SS18: variants seen among roughly 807,000 people sequenced by gnomAD.
SS18 encodes the protein protein SSXT.
SS18 carries 28 observed loss-of-function variants against 72.5 expected under a neutral mutation model. That is an observed-to-expected ratio of 0.39 (90% confidence interval 0.29 to 0.53). The LOEUF (loss-of-function observed/expected upper bound fraction) is 0.53. Among genes scored for constraint, SS18 ranks in the 20% least tolerant of loss-of-function variants. The pLI, the probability that SS18 is intolerant of heterozygous loss-of-function variation, is 0.76. For synonymous variants in SS18, 172 were observed against 164.2 expected, an observed-to-expected ratio of 1.05 and a Z score of -0.37; for missense variants, 518 against 535.3, an observed-to-expected ratio of 0.97 and a Z score of 0.32.
intron 3 of SS18, 25 bp from the exon 4 acceptor site, chr18:26,057,767 CAA>C: frequency 6.3e-7 from 1 of 1,574,806 alleles, no homozygotes; most frequent in East Asian, 2.3e-5. Flanking sequence ...TTTAGTAAAA[CAA>C]GAGAAACAGA....
At chr18:26,069,848 CT>C (rs2054283089) in intron 3 of SS18, among the ~76,000 whole-genome samples, 1 of 152,150 alleles carries the variant, frequency 6.6e-6, no homozygotes, top group Non-Finnish European at 1.5e-5. Context: ...GTGCCTACCA[CT>C]TTGTATATGC....
chr18:26,025,959 A>G (rs900224119), intron 10 of SS18, among the ~76,000 whole-genome samples: 4 of 152,218 alleles, frequency 2.6e-5, no homozygotes, highest in Non-Finnish European at 5.9e-5. Flanking sequence ...GTAAGCTGAA[A>G]ATATCCTAAG....
intron 5 of SS18, among the ~76,000 whole-genome samples, chr18:26,044,306 T>G (rs1354058486): frequency 6.6e-6 from 1 of 151,650 alleles, no homozygotes; most frequent in Non-Finnish European, 1.5e-5. Flanking sequence ...TTTTATGTTG[T>G]ATGCTTTTCA....
chr18:26,034,236 T>C (rs998097939), intron 9 of SS18, among the ~76,000 whole-genome samples: 3 of 152,196 alleles, frequency 2.0e-5, no homozygotes, highest in Non-Finnish European at 2.9e-5. Context: ...ATAAAAATAA[T>C]AAGATATTAC....
intron 4 of SS18, among the ~76,000 whole-genome samples, chr18:26,054,728 A>G (rs2053985380): frequency 6.6e-6 from 1 of 151,192 alleles, no homozygotes. Flanking sequence ...TTTTATATAG[A>G]GAAAATCTCT....
In SS18 at chr18:26,024,338, T is replaced by TG. The variant is rs1362848765; in HGVS notation, c.1231-5959dup. On this transcript the variant is annotated intron_variant, in intron 10 of 10. Coordinates refer to ENST00000415083, the MANE Select transcript of SS18 (RefSeq NM_001007559.3). ...GAGGGTGGTGATGGCTGCACTTTTT[T>TG]GGGGGGACAGGATATTAGCTCTGTC... 2.0e-5 allele frequency among the ~76,000 whole-genome samples: 3 copies of TG among 152,136 alleles called. No homozygotes were observed. In the East Asian group the frequency reaches 5.8e-4, roughly 29 times the overall value.
At chr18:26,025,122 T>C (rs1383303905) in intron 10 of SS18, among the ~76,000 whole-genome samples, 7 of 152,076 alleles carry the variant, frequency 4.6e-5, no homozygotes, top group Non-Finnish European at 1.0e-4. Flanking sequence ...TCTCCAAATA[T>C]TTGAAAATGA....
chr18:26,055,345 TA>T (rs1259784290), intron 4 of SS18, among the ~76,000 whole-genome samples: 1 of 151,838 alleles, frequency 6.6e-6, no homozygotes, highest in African/African-American at 2.4e-5. Context: ...TGTGCGCCTG[TA>T]ATCCCAGCTA....
chr18:26,089,616 G>T (rs2054678305), intron 1 of SS18: 1 of 152,230 alleles, frequency 6.6e-6, no homozygotes, highest in Non-Finnish European at 1.5e-5. Flanking sequence ...GTAAAATTTA[G>T]AATGCTGCCT....
chr18:26,060,806 A>T (rs915144744), intron 3 of SS18, among the ~76,000 whole-genome samples: 1 of 138,952 alleles, frequency 7.2e-6, no homozygotes, highest in Admixed American at 7.2e-5. Context: ...AAAAAAAAAA[A>T]TCAGCCAGGC....
At position 26,035,862 on chromosome 18, in the gene SS18, A is replaced by T; in HGVS notation, c.942T>A (p.Tyr314Ter). Residue 314 changes from tyrosine (Y) to a stop codon, truncating the protein, a stop_gained, in exon 8 of 11, where the codon TAT becomes TAA. Transcript: ENST00000415083. LOFTEE classifies it high-confidence loss of function. The surrounding 1 kb of genome is among the most constrained non-coding windows in gnomAD (Gnocchi z 4.4). The part of the protein sequence containing the change: ...SYPEQGYDRP[Y>*]EDSSQHYYEG... ...CGTAGTAATGTTGTGAGGAATCCTC[A>T]TAAGGCCTATCGTAGCCTTGTTCAG... The T allele has an allele frequency of 6.2e-7, 1 of 1,602,186 alleles. No individual in the cohort carries two copies. The highest frequency in any genetic ancestry group is 8.5e-7 in the Non-Finnish European group (1 of 1,172,984).
intron 10 of SS18, among the ~76,000 whole-genome samples, chr18:26,019,640 G>A (rs1026113198): frequency 1.1e-4 from 17 of 151,768 alleles, no homozygotes; most frequent in East Asian, 5.8e-4. Context: ...GTGAAACCCC[G>A]TCTTTACTAA....
At position 26,016,447 on chromosome 18, in the gene SS18, G is replaced by A. The variant is rs2053254126; in HGVS notation, c.*1907C>T. ...GAAAGAAAAAACCTATTCTGGCCAG[G>A]CACGGTGGCTCACGCCTGTAATCCC... On this transcript the variant is annotated 3_prime_UTR_variant, in exon 11 of 11. Coordinates refer to ENST00000415083, the MANE Select transcript of SS18 (RefSeq NM_001007559.3). The A allele has an allele frequency of 5.5e-6, 1 of 181,790 alleles. No individual in the cohort carries two copies. The highest frequency in any genetic ancestry group is 1.2e-5 in the Non-Finnish European group (1 of 85,050). 11.3% of individuals were successfully genotyped at this position (181,790 alleles called of 1,614,324 possible). A position where few individuals can be genotyped will look rare whatever the true frequency, so the allele number is the denominator to read the frequency against.
At chr18:26,042,993 ATT>A (rs1320514536) in intron 5 of SS18, among the ~76,000 whole-genome samples, 2 of 152,182 alleles carry the variant, frequency 1.3e-5, no homozygotes, top group Non-Finnish European at 2.9e-5. Flanking sequence ...TTTAAATAAT[ATT>A]GTTTAAAATG....
intron 3 of SS18, among the ~76,000 whole-genome samples, chr18:26,061,290 G>T (rs1374139936): frequency 6.6e-6 from 1 of 152,174 alleles, no homozygotes; most frequent in Non-Finnish European, 1.5e-5. Context: ...TCCAGCCTGG[G>T]CCACAGAGCG....
intron 10 of SS18, among the ~76,000 whole-genome samples, chr18:26,022,449 A>C (rs187394940): frequency 2.0e-5 from 3 of 152,254 alleles, no homozygotes; most frequent in African/African-American, 7.2e-5. Flanking sequence ...AAAAAAAAAA[A>C]AACTACACAA....
intron 2 of SS18, among the ~76,000 whole-genome samples, chr18:26,087,249 G>C (rs991877768): frequency 5.3e-5 from 8 of 152,102 alleles, no homozygotes; most frequent in Non-Finnish European, 2.9e-5. Context: ...TGGTTGTCAC[G>C]GGTTGAGGGG....
At chr18:26,052,420 CATAAAA>C (rs948766460) in intron 5 of SS18, among the ~76,000 whole-genome samples, 198 bp downstream of exon 5, 7 of 152,118 alleles carry the variant, frequency 4.6e-5, no homozygotes, top group African/African-American at 1.7e-4. Flanking sequence ...GTCCAAAAGA[CATAAAA>C]ATAAATAAGC....
chr18:26,082,347 A>T, intron 2 of SS18: 1 of 927,466 alleles, frequency 1.1e-6, no homozygotes, highest in Non-Finnish European at 1.3e-6. Flanking sequence ...ATTTCATTTT[A>T]TAAAATAAAC....
Sources: allele counts gnomAD v4.1 joint callset (sites outside exome capture counted in the v4.1 genomes callset), GRCh38; gene constraint gnomAD v4.1.1; non-coding constraint Gnocchi (gnomAD v3.1); transcripts MANE v1.5; gene names NCBI Gene and HGNC (gene_info 2026-07-23, HGNC 2026-07-21).